Variants in NAV1 observed in about 807,000 individuals in gnomAD.
NAV1 encodes pore membrane and/or filament interacting like protein 3.
In NAV1, 18 loss-of-function variants were observed where a neutral mutation model predicts 175.2. The observed-to-expected ratio is 0.10, with a 90% CI of 0.07 to 0.15. The LOEUF (loss-of-function observed/expected upper bound fraction) is 0.15. Among genes scored for constraint, NAV1 ranks in the 10% least tolerant of loss-of-function variants. The probability of loss-of-function intolerance (pLI) is 1.00; values close to 1 mark genes in which losing one functional copy is unlikely to be tolerated. For missense variants in NAV1, 1,731 were observed against 2,436.6 expected (o/e 0.71, Z 6.10); for synonymous variants, 897 against 978.7 (o/e 0.92, Z 1.56).
exon 2 of NAV1, chr1:201,629,478 A>G: frequency 2.3e-6 from 3 of 1,304,280 alleles, no homozygotes; most frequent in Non-Finnish European, 3.0e-6. Flanking sequence ...GAGCCCCTCC[A>G]TGAGACTGAG....
intron 15 of NAV1, chr1:201,798,263 A>G (rs1257083320): frequency 1.3e-5 from 2 of 152,168 alleles, no homozygotes; most frequent in African/African-American, 2.4e-5. Flanking sequence ...GAATATTTCA[A>G]TAATTTCCTT....
At chr1:201,804,210 G>A (rs1052351775) in intron 16 of NAV1, 14 of 537,212 alleles carry the variant, frequency 2.6e-5, no homozygotes, top group African/African-American at 1.3e-4. Flanking sequence ...ATTTTTGTAC[G>A]TGTGGTTTTT....
At chr1:201,701,147 C>A (rs1671406700) in intron 1 of NAV1, among the ~76,000 whole-genome samples, 1 of 150,456 alleles carries the variant, frequency 6.6e-6, no homozygotes, top group Non-Finnish European at 1.5e-5. Flanking sequence ...TCATTCTGAG[C>A]AAACTATCAC....
intron 2 of NAV1, among the ~76,000 whole-genome samples, chr1:201,610,367 A>G (rs1667811336): frequency 6.6e-6 from 1 of 152,248 alleles, no homozygotes; most frequent in Non-Finnish European, 1.5e-5. Flanking sequence ...CCCTCCCTGA[A>G]GCTCAAAATT....
At chr1:201,571,636 A>T (rs773173568) in intron 1 of NAV1, among the ~76,000 whole-genome samples, 7 of 152,192 alleles carry the variant, frequency 4.6e-5, no homozygotes, top group Non-Finnish European at 1.0e-4. Context: ...GGCCCCTTCA[A>T]TTATCCACAG....
intron 3 of NAV1, among the ~76,000 whole-genome samples, chr1:201,777,338 G>A (rs1676021629): frequency 6.6e-6 from 1 of 152,170 alleles, no homozygotes; most frequent in Non-Finnish European, 1.5e-5. Context: ...TATTTTTGAA[G>A]GATGCACAGA....
At chr1:201,779,829 A>G (rs1156997630) in intron 3 of NAV1, among the ~76,000 whole-genome samples, 2 of 152,100 alleles carry the variant, frequency 1.3e-5, no homozygotes, top group East Asian at 3.8e-4. Flanking sequence ...GCCCCTCTAC[A>G]TGGCCACAGC....
intron 1 of NAV1, among the ~76,000 whole-genome samples, chr1:201,678,503 A>G (rs2102393765): frequency 6.6e-6 from 1 of 152,348 alleles, no homozygotes; most frequent in Admixed American, 6.5e-5. Context: ...TGGAAGTCAC[A>G]GAGTTGATAA....
chr1:201,661,738 A>T (rs1669622512), intron 1 of NAV1, among the ~76,000 whole-genome samples: 1 of 152,186 alleles, frequency 6.6e-6, no homozygotes. Context: ...ATTTCAGGGA[A>T]CGACTTCCCT....
chr1:201,778,962 A>G (rs1676128226), intron 3 of NAV1, among the ~76,000 whole-genome samples: 1 of 152,252 alleles, frequency 6.6e-6, no homozygotes, highest in Non-Finnish European at 1.5e-5. Flanking sequence ...TACTCTGCAC[A>G]CAGATAACAA....
At chr1:201,698,155 G>A (rs937623108) in intron 1 of NAV1, among the ~76,000 whole-genome samples, 3 of 152,178 alleles carry the variant, frequency 2.0e-5, no homozygotes, top group Non-Finnish European at 2.9e-5. Flanking sequence ...CTGAACCTGA[G>A]ACTTGCCCTG....
At chr1:201,772,188 C>T (rs1442862758) in intron 3 of NAV1, among the ~76,000 whole-genome samples, 1 of 152,168 alleles carries the variant, frequency 6.6e-6, no homozygotes, top group Non-Finnish European at 1.5e-5. Context: ...ATAGATATGT[C>T]TGTAGAAACA....
chr1:201,656,743 A>G (rs1669420259), intron 1 of NAV1, among the ~76,000 whole-genome samples: 1 of 152,184 alleles, frequency 6.6e-6, no homozygotes, highest in Admixed American at 6.5e-5. Flanking sequence ...CTGAAGGGAC[A>G]TTTGCGTGCA....
intron 1 of NAV1, among the ~76,000 whole-genome samples, chr1:201,549,148 T>TC (rs1665769500): frequency 6.7e-6 from 1 of 148,440 alleles, no homozygotes; most frequent in African/African-American, 2.5e-5. Context: ...TCTTTCTTCT[T>TC]TCTCTCTCTC....
In NAV1 at chr1:201,565,382, C is replaced by T. The variant is rs77717525; in HGVS notation, c.-143-23157C>T. Among the ~76,000 whole-genome samples the T allele has an allele frequency of 9.8e-5, 15 of 152,368 alleles. No homozygotes were observed. The East Asian group carries it at 2.7e-3, about 27-fold the overall frequency. ...ATTGTCAGTCTCCCTTCCTGTGCCT[C>T]GGTTTCCTCCGCCATCAGAAGAGAA... On this transcript the variant is annotated intron_variant, in intron 1 of 33. Coordinates refer to the NAV1 transcript ENST00000685211.
chr1:201,794,232 A>C (rs1446063559), intron 14 of NAV1: 5 of 633,304 alleles, frequency 7.9e-6, no homozygotes, highest in South Asian at 7.6e-5. Flanking sequence ...GCTAACTGCA[A>C]ACTCTGCCTC....
intron 2 of NAV1, among the ~76,000 whole-genome samples, chr1:201,603,148 C>A (rs773413499): frequency 7.2e-5 from 11 of 152,138 alleles, no homozygotes; most frequent in Non-Finnish European, 1.6e-4. Context: ...ACCAGGGAGA[C>A]TGGACTGAAA....
Position 201,588,650 on chromosome 1 carries a change from G to A in NAV1, c.-33+1G>A, listed in dbSNP as rs1301803269. ...TTACAGGTGTGAGCCACACACCCAG[G>A]TATGAGTTTTGGCTAATCCACAGGG... On this transcript the variant is annotated splice_donor_variant, in intron 2 of 33. Transcript: ENST00000685211. LOFTEE classifies it low-confidence loss of function (5UTR_SPLICE). Among the ~76,000 whole-genome samples, 2 of 151,894 alleles carry A rather than the reference G, an allele frequency of 1.3e-5. No homozygotes were observed. The highest frequency in any genetic ancestry group is 2.9e-5 in the Non-Finnish European group (2 of 67,994).
chr1:201,785,175 T>C (rs1241175331), intron 7 of NAV1, 135 bp from the exon 12 acceptor site: 1 of 804,010 alleles, frequency 1.2e-6, no homozygotes, highest in Non-Finnish European at 1.9e-6. Context: ...TTTCTAGAGC[T>C]AAAGCAGGTC....
Sources: allele counts gnomAD v4.1 joint callset (sites outside exome capture counted in the v4.1 genomes callset), GRCh38; gene constraint gnomAD v4.1.1; transcripts MANE v1.5; gene names NCBI Gene and HGNC (gene_info 2026-07-23, HGNC 2026-07-21).